Variants in NALF1 observed in about 807,000 individuals in gnomAD.
NALF1 encodes NALCN channel auxiliary factor 1.
In NALF1, 3 loss-of-function variants were observed where a neutral mutation model predicts 48.4. The observed-to-expected ratio is 0.06, with a 90% CI of 0.03 to 0.16. The LOEUF (loss-of-function observed/expected upper bound fraction) is 0.16. NALF1 is among the 10% of genes least tolerant of loss of function. The pLI is 1.00. For missense variants in NALF1, 526 were observed against 571.5 expected (o/e 0.92, Z 0.81); for synonymous variants, 262 against 245.7 (o/e 1.07, Z -0.62).
intron 1 of NALF1, among the ~76,000 whole-genome samples, chr13:107,261,050 T>C (rs1418834577): frequency 1.3e-5 from 2 of 152,224 alleles, no homozygotes; most frequent in Non-Finnish European, 2.9e-5. Flanking sequence ...CTGCCCTGCA[T>C]TGAATGGAAG....
At position 107,488,643 on chromosome 13, in the gene NALF1, T is replaced by C. The variant is rs139528813; in HGVS notation, c.916-277888A>G. Among the ~76,000 whole-genome samples the C allele has an allele frequency of 1.3e-3, 202 of 152,246 alleles. 2 individuals carry two copies. The highest frequency in any genetic ancestry group is 4.6e-3 in the African/African-American group (191 of 41,548). On this transcript the variant is annotated intron_variant, in intron 1 of 2. Coordinates refer to ENST00000375915, the MANE Select transcript of NALF1 (RefSeq NM_001080396.3). Reference sequence around the variant, plus strand: ...ATACTTTAAAATAATAAGAGCCGTATATGACAAACCTACAGACAATATTGT... The same window carrying C: ...ATACTTTAAAATAATAAGAGCCGTACATGACAAACCTACAGACAATATTGT...
chr13:107,650,206 C>G (rs1880414659), intron 1 of NALF1, among the ~76,000 whole-genome samples: 1 of 151,952 alleles, frequency 6.6e-6, no homozygotes, highest in South Asian at 2.1e-4. Flanking sequence ...CAGATGCCCC[C>G]CAAGTCGATA....
At chr13:107,836,862 C>T (rs900142600) in intron 1 of NALF1, among the ~76,000 whole-genome samples, 4 of 152,176 alleles carry the variant, frequency 2.6e-5, no homozygotes, top group Non-Finnish European at 4.4e-5. Context: ...CTTATAAGCC[C>T]ATCAATCTCA....
intron 1 of NALF1, among the ~76,000 whole-genome samples, chr13:107,642,137 A>G (rs1880175766): frequency 6.6e-6 from 1 of 152,200 alleles, no homozygotes; most frequent in Non-Finnish European, 1.5e-5. Flanking sequence ...TACAATCCCC[A>G]GGCAATTTTT....
intron 1 of NALF1, among the ~76,000 whole-genome samples, chr13:107,809,232 C>T (rs1878910459): frequency 6.6e-6 from 1 of 151,918 alleles, no homozygotes; most frequent in African/African-American, 2.4e-5. Flanking sequence ...GTTAATCAGG[C>T]CATGACCTAA....
At chr13:107,561,733 T>C (rs748156779) in intron 1 of NALF1, among the ~76,000 whole-genome samples, 21 of 152,356 alleles carry the variant, frequency 1.4e-4, no homozygotes, top group Middle Eastern at 3.4e-3. Context: ...CAGTCACAGA[T>C]AATGATTATT....
At chr13:107,735,039 G>A (rs1876426083) in intron 1 of NALF1, among the ~76,000 whole-genome samples, 1 of 152,056 alleles carries the variant, frequency 6.6e-6, no homozygotes, top group Non-Finnish European at 1.5e-5. Flanking sequence ...GTTGCAGATT[G>A]GAGAGCCTGC....
chr13:107,325,406 T>C (rs556476924), intron 1 of NALF1, among the ~76,000 whole-genome samples: 3 of 152,300 alleles, frequency 2.0e-5, no homozygotes, highest in African/African-American at 7.2e-5. Flanking sequence ...TAACCCCTTT[T>C]TGACTAAAGA....
rs1035650244 is a variant in NALF1, at chr13:107,742,113, C to A, written c.915+123569G>T. On this transcript the variant is annotated intron_variant, in intron 1 of 2. Transcript: ENST00000375915. The stretch of plus-strand genomic sequence containing the variant: ...CGAGAAGTGGATGGGAAGTCAGTCT[C>A]CCCTCATTCAGCGGGATCCAGTGCC... 3.3e-5 allele frequency among the ~76,000 whole-genome samples: 5 copies of A among 152,184 alleles called. No homozygotes were observed. The East Asian group carries it at 9.6e-4, about 29-fold the overall frequency.
At chr13:107,812,382 T>C (rs1441490975) in intron 1 of NALF1, among the ~76,000 whole-genome samples, 1 of 152,132 alleles carries the variant, frequency 6.6e-6, no homozygotes, top group African/African-American at 2.4e-5. Context: ...CAGTTTGATC[T>C]TAGACTAGTG....
At chr13:107,797,502 C>T (rs1878465603) in intron 1 of NALF1, among the ~76,000 whole-genome samples, 1 of 152,306 alleles carries the variant, frequency 6.6e-6, no homozygotes, top group African/African-American at 2.4e-5. Flanking sequence ...AGCCACCGCG[C>T]CCGGCCCACC....
intron 1 of NALF1, among the ~76,000 whole-genome samples, chr13:107,614,188 C>T (rs376637401): frequency 3.3e-5 from 5 of 152,252 alleles, no homozygotes; most frequent in African/African-American, 9.6e-5. Context: ...CATATCACAG[C>T]AAGATCAAAA....
At chr13:107,354,816 G>T (rs1195884587) in intron 1 of NALF1, among the ~76,000 whole-genome samples, 1 of 152,132 alleles carries the variant, frequency 6.6e-6, no homozygotes, top group Non-Finnish European at 1.5e-5. Flanking sequence ...GGTTTTGTTT[G>T]TGTAAAAGCC....
chr13:107,564,166 C>T (rs774890687), intron 1 of NALF1, among the ~76,000 whole-genome samples: 21 of 152,176 alleles, frequency 1.4e-4, no homozygotes, highest in Non-Finnish European at 2.4e-4. Flanking sequence ...GGTAATGAGG[C>T]TTTCTCTATT....
chr13:107,370,817 A>G (rs1265351520), intron 1 of NALF1, among the ~76,000 whole-genome samples: 4 of 152,154 alleles, frequency 2.6e-5, no homozygotes, highest in Non-Finnish European at 5.9e-5. Context: ...GCGAAAGGGG[A>G]TGCAAACACG....
At chr13:107,783,202 C>CCCCCGCCCGGCCAGCCG (rs1877966651) in intron 1 of NALF1, among the ~76,000 whole-genome samples, 2 of 129,936 alleles carry the variant, frequency 1.5e-5, no homozygotes, top group Non-Finnish European at 3.3e-5. Context: ...GGGGGTCAGT[C>CCCCCGCCCGGCCAGCCG]CCCCGCCCGG....
At chr13:107,512,837 G>A (rs1875940648) in intron 1 of NALF1, among the ~76,000 whole-genome samples, 1 of 152,132 alleles carries the variant, frequency 6.6e-6, no homozygotes, top group Non-Finnish European at 1.5e-5. Context: ...CTTATGGAAA[G>A]CTGCTTCCAC....
At chr13:107,742,632 C>T (rs1259505229) in intron 1 of NALF1, among the ~76,000 whole-genome samples, 2 of 152,210 alleles carry the variant, frequency 1.3e-5, no homozygotes, top group African/African-American at 2.4e-5. Flanking sequence ...AACCTCTTTA[C>T]TTTATAAATT....
intron 1 of NALF1, among the ~76,000 whole-genome samples, chr13:107,253,173 CTTT>C (rs3072801): frequency 0.29 from 42,235 of 146,412 alleles, 6,517 homozygotes; most frequent in African/African-American, 0.43. Context: ...GGACTTCTTT[CTTT>C]TTTTTTTTTT....
Sources: allele counts gnomAD v4.1 joint callset (sites outside exome capture counted in the v4.1 genomes callset), GRCh38; gene constraint gnomAD v4.1.1; transcripts MANE v1.5; gene names NCBI Gene and HGNC (gene_info 2026-07-23, HGNC 2026-07-21).